The following SENP5 variants were observed in gnomAD, a reference collection of about 807,000 sequenced individuals.
The protein encoded by SENP5 is sentrin-specific protease 5.
SENP5 carries 21 observed loss-of-function variants against 74.2 expected under a neutral mutation model. The ratio of observed to expected loss-of-function variants is 0.28; its 90% CI spans 0.20 to 0.41. The LOEUF (loss-of-function observed/expected upper bound fraction) is 0.41, where lower values mean the gene tolerates loss of function less well. Ranked by LOEUF, SENP5 falls within the 10% of genes least tolerant of loss-of-function variation. SENP5 has a pLI of 1.00. For missense variants in SENP5, 717 were observed against 889.1 expected, an observed-to-expected ratio of 0.81 and a Z score of 2.46; for synonymous variants, 311 against 312.7, an observed-to-expected ratio of 0.99 and a Z score of 0.06.
In SENP5 at chr3:196,885,286, A is replaced by G; in HGVS notation, c.105A>G (p.Gln35=). The change falls in exon 2 of 10, where the codon CAA becomes CAG. Residue 35 remains glutamine (Q), a synonymous_variant. Coordinates refer to ENST00000323460, the MANE Select transcript of SENP5 (RefSeq NM_152699.5). ...GCTTTAAGAAGTTTTATTTTCACCA[A>G]CACTTGTGCATTCTGAAAGCTAAGC... ...FGGFKKFYFH[Q]HLCILKAKLG... The G allele has an allele frequency of 1.9e-6, 3 of 1,614,172 alleles. No individual in the cohort carries two copies. Among genetic ancestry groups the G allele is most frequent in the Non-Finnish European group, 1.7e-6 (2 of 1,180,020 alleles).
intron 6 of SENP5, among the ~76,000 whole-genome samples, chr3:196,909,529 C>A (rs527683903): frequency 6.6e-6 from 1 of 152,112 alleles, no homozygotes; most frequent in Non-Finnish European, 1.5e-5. Context: ...GCTGGCAAAC[C>A]AAATCCAGCA....
intron 1 of SENP5, among the ~76,000 whole-genome samples, chr3:196,870,041 G>C (rs1713143280): frequency 6.6e-6 from 1 of 152,140 alleles, no homozygotes; most frequent in African/African-American, 2.4e-5. Context: ...ATGGAGCTCA[G>C]TTTGAGAACG....
At chr3:196,901,039 A>G (rs1714680888) in intron 5 of SENP5, among the ~76,000 whole-genome samples, 2 of 116,320 alleles carry the variant, frequency 1.7e-5, no homozygotes, top group Non-Finnish European at 2.1e-5. Context: ...ACATTTATGT[A>G]TTTATTTTAC....
chr3:196,914,586 A>ATATATATATATAT (rs1553825368), intron 6 of SENP5: 2 of 33,504 alleles, frequency 6.0e-5, no homozygotes, highest in African/African-American at 3.6e-4. Context: ...AAAAAAAAAA[A>ATATATATATATAT]ATATATATAT....
At chr3:196,870,620 T>C (rs1713172241) in intron 1 of SENP5, among the ~76,000 whole-genome samples, 1 of 151,912 alleles carries the variant, frequency 6.6e-6, no homozygotes, top group Non-Finnish European at 1.5e-5. Flanking sequence ...CGGGTTCAAG[T>C]GATTGTCCTG....
intron 1 of SENP5, among the ~76,000 whole-genome samples, chr3:196,869,126 C>A (rs919580404): frequency 1.3e-4 from 20 of 150,860 alleles, no homozygotes; most frequent in African/African-American, 3.2e-4. Context: ...TTTCCCAGTG[C>A]ATCTTTTCTA....
Position 196,899,648 on chromosome 3 carries a change from T to C in SENP5, c.1514-18T>C, listed in dbSNP as rs978929206. ...GCTTGTTTTTCCATCTTAACTTTTC[T>C]TTCTTCCTTTATTTAAGGATTCCTA... On this transcript the variant is annotated intron_variant, in intron 2 of 9. Coordinates refer to ENST00000323460, the MANE Select transcript of SENP5 (RefSeq NM_152699.5). 3 of 1,519,482 alleles carry C rather than the reference T, an allele frequency of 2.0e-6. No homozygotes were observed. Among genetic ancestry groups the C allele is most frequent in the Non-Finnish European group, 2.7e-6 (3 of 1,097,618 alleles). The allele number at this position is 1,519,482 out of a possible 1,614,324, so 94.1% of individuals were successfully genotyped here.
chr3:196,923,319 G>T (rs942557431), intron 6 of SENP5, 95 bp from the exon 7 acceptor site: 2 of 1,403,122 alleles, frequency 1.4e-6, no homozygotes, highest in African/African-American at 1.4e-5. Context: ...TTTTGCCCTT[G>T]TGCAGGTCAA....
chr3:196,917,531 A>G (rs1287532346), intron 6 of SENP5, among the ~76,000 whole-genome samples: 1 of 152,134 alleles, frequency 6.6e-6, no homozygotes, highest in African/African-American at 2.4e-5. Context: ...CAAACTCCCA[A>G]AGGTTGAGGA....
intron 6 of SENP5, among the ~76,000 whole-genome samples, chr3:196,921,583 T>G (rs1000050242): frequency 6.6e-6 from 1 of 152,192 alleles, no homozygotes; most frequent in African/African-American, 2.4e-5. Flanking sequence ...TACTGTATTC[T>G]AAATATGATT....
chr3:196,892,724 A>AC (rs564343925), intron 2 of SENP5, among the ~76,000 whole-genome samples: 1 of 151,620 alleles, frequency 6.6e-6, no homozygotes, highest in Non-Finnish European at 1.5e-5. Flanking sequence ...TCTCTGCCCC[A>AC]CCCCCAGCCC....
At chr3:196,919,804 AAG>A (rs1491145753) in intron 6 of SENP5, among the ~76,000 whole-genome samples, 1 of 151,998 alleles carries the variant, frequency 6.6e-6, no homozygotes, top group Non-Finnish European at 1.5e-5. Context: ...AAAAAAAAAA[AAG>A]GGAGGGATCA....
intron 6 of SENP5, chr3:196,914,586 A>AAAAAAAATAT: frequency 6.0e-5 from 2 of 33,502 alleles, no homozygotes; most frequent in Non-Finnish European, 1.0e-4. Flanking sequence ...AAAAAAAAAA[A>AAAAAAAATAT]ATATATATAT....
chr3:196,894,712 G>T lies in SENP5; in HGVS notation c.1514-4954G>T, dbSNP rs116671394. On this transcript the variant is annotated intron_variant, in intron 2 of 9. Coordinates refer to ENST00000323460, the MANE Select transcript of SENP5 (RefSeq NM_152699.5). ...GCTGGCTCTATTTGCCTTAATTAGC[G>T]TAGTTTTATCATTTGACAGGACCTG... 6.5e-3 allele frequency among the ~76,000 whole-genome samples: 981 copies of T among 152,082 alleles called. 11 individuals carry two copies. The highest frequency in any genetic ancestry group is 0.022 in the African/African-American group (933 of 41,514).
At chr3:196,893,909 C>CA (rs35131152) in intron 2 of SENP5, among the ~76,000 whole-genome samples, 37,400 of 119,056 alleles carry the variant, frequency 0.31, 6,022 homozygotes, top group East Asian at 0.73. Context: ...GACTCTGTCT[C>CA]AAAAAAAAAA....
intron 2 of SENP5, among the ~76,000 whole-genome samples, chr3:196,892,393 C>A (rs1020386791): frequency 1.3e-5 from 2 of 149,130 alleles, no homozygotes; most frequent in African/African-American, 5.0e-5. Context: ...GTGATCCGCC[C>A]GGCTTAGCCT....
In SENP5 at chr3:196,931,862, T is replaced by G; in HGVS notation, c.*939T>G. ...AATGCATTTCTATTTCAAGGGTATC[T>G]GAAACGTAAACATTCAAAACTGAAG... On this transcript the variant is annotated 3_prime_UTR_variant, in exon 10 of 10. Transcript: ENST00000323460. 1 of 442,384 alleles carries G rather than the reference T, an allele frequency of 2.3e-6. No homozygotes were observed. Among genetic ancestry groups the G allele is most frequent in the Admixed American group, 2.5e-5 (1 of 39,292 alleles). The allele number at this position is 442,384 out of a possible 1,614,324, so 27.4% of individuals were successfully genotyped here. A position where few individuals can be genotyped will look rare whatever the true frequency, so the allele number is the denominator to read the frequency against.
chr3:196,900,893 A>G (rs1305380298), intron 5 of SENP5, among the ~76,000 whole-genome samples: 1 of 151,092 alleles, frequency 6.6e-6, no homozygotes, highest in African/African-American at 2.4e-5. Flanking sequence ...TGGCCCCATC[A>G]AATCACTTCA....
intron 6 of SENP5, among the ~76,000 whole-genome samples, chr3:196,918,304 C>CAA (rs34835074): frequency 2.0e-3 from 255 of 125,558 alleles, no homozygotes; most frequent in East Asian, 7.2e-3. Context: ...GAGACTCTGT[C>CAA]AAAAAAAAAA....
Sources: allele counts gnomAD v4.1 joint callset (sites outside exome capture counted in the v4.1 genomes callset), GRCh38; gene constraint gnomAD v4.1.1; transcripts MANE v1.5; gene names NCBI Gene and HGNC (gene_info 2026-07-23, HGNC 2026-07-21).